The following TBC1D5 variants were observed in gnomAD, a reference collection of about 807,000 sequenced individuals.
The protein encoded by TBC1D5 is TBC1 domain family, member 5.
TBC1D5 carries 75 observed loss-of-function variants against 100.3 expected under a neutral mutation model. The observed-to-expected ratio is 0.75, with a 90% confidence interval of 0.62 to 0.91. The LOEUF (loss-of-function observed/expected upper bound fraction) is 0.91, where lower values mean the gene tolerates loss of function less well. Ranked by LOEUF, TBC1D5 falls within the 40% of genes least tolerant of loss-of-function variation. TBC1D5 has a pLI of 0.00. For synonymous variants in TBC1D5, 323 were observed against 325.6 expected (o/e 0.99, Z 0.09); for missense variants, 910 against 942.4 (o/e 0.97, Z 0.45).
intron 1 of TBC1D5, among the ~76,000 whole-genome samples, chr3:17,711,345 A>C (rs539437621): frequency 1.3e-5 from 2 of 152,206 alleles, no homozygotes; most frequent in Non-Finnish European, 2.9e-5. Context: ...TTAGTTACAG[A>C]TATGTTACAA....
intron 13 of TBC1D5, among the ~76,000 whole-genome samples, chr3:17,309,242 A>C (rs1242447485): frequency 6.6e-6 from 1 of 152,008 alleles, no homozygotes; most frequent in Non-Finnish European, 1.5e-5. Flanking sequence ...AGGAGAAATC[A>C]AAGATGTGAC....
At chr3:17,547,695 C>T (rs544892232) in intron 2 of TBC1D5, among the ~76,000 whole-genome samples, 10 of 152,234 alleles carry the variant, frequency 6.6e-5, no homozygotes, top group Middle Eastern at 3.4e-3. Flanking sequence ...GATGTGATGA[C>T]TACAGATTCT....
chr3:17,192,529 T>A (rs1406740636), intron 18 of TBC1D5, among the ~76,000 whole-genome samples: 1 of 152,206 alleles, frequency 6.6e-6, no homozygotes, highest in Non-Finnish European at 1.5e-5. Flanking sequence ...CTTAAAGATA[T>A]TTTAAAAATA....
chr3:17,227,722 A>G (rs1011403727), intron 17 of TBC1D5, among the ~76,000 whole-genome samples: 6 of 152,030 alleles, frequency 3.9e-5, no homozygotes, highest in African/African-American at 1.5e-4. Flanking sequence ...GAGGAGGGAG[A>G]GAATAAAAAA....
intron 2 of TBC1D5, among the ~76,000 whole-genome samples, chr3:17,560,802 TC>T (rs1410299994): frequency 6.6e-6 from 1 of 151,248 alleles, no homozygotes; most frequent in Non-Finnish European, 1.5e-5. Context: ...GCGTCTGTAA[TC>T]CCAGCTACTA....
intron 15 of TBC1D5, among the ~76,000 whole-genome samples, chr3:17,265,612 C>G (rs1230282789): frequency 6.6e-6 from 1 of 152,080 alleles, no homozygotes; most frequent in Non-Finnish European, 1.5e-5. Context: ...TCTCAGGACC[C>G]CAAAGGCAAA....
At chr3:17,251,437 CCAGT>C (rs1559490793) in intron 16 of TBC1D5, among the ~76,000 whole-genome samples, 3 of 119,396 alleles carry the variant, frequency 2.5e-5, no homozygotes, top group Non-Finnish European at 3.7e-5. Context: ...CCCCCCCCCC[CCAGT>C]AGAAGCGATT....
chr3:17,487,945 A>G (rs73153047), intron 3 of TBC1D5, among the ~76,000 whole-genome samples: 12,180 of 152,236 alleles, frequency 0.08, 1,007 homozygotes, highest in African/African-American at 0.22. Flanking sequence ...CCATTAGTAT[A>G]GTGCATCTGT....
intron 2 of TBC1D5, among the ~76,000 whole-genome samples, chr3:17,542,632 C>A (rs138138641): frequency 2.6e-3 from 402 of 152,282 alleles, no homozygotes; most frequent in African/African-American, 9.3e-3. Context: ...AAGTAGTTTC[C>A]ATCTATTCTT....
chr3:17,662,479 A>G (rs1408799836), intron 1 of TBC1D5, among the ~76,000 whole-genome samples: 1 of 152,216 alleles, frequency 6.6e-6, no homozygotes, highest in Non-Finnish European at 1.5e-5. Context: ...AAAATATTTT[A>G]CAGCAATTTG....
At chr3:17,363,994 C>T (rs753759166) in intron 13 of TBC1D5, among the ~76,000 whole-genome samples, 3 of 149,846 alleles carry the variant, frequency 2.0e-5, no homozygotes, top group African/African-American at 7.4e-5. Flanking sequence ...AGAGTTTAAT[C>T]GAGCAAAGAA....
At chr3:17,459,851 G>C (rs1276381713) in intron 3 of TBC1D5, among the ~76,000 whole-genome samples, 3 of 152,164 alleles carry the variant, frequency 2.0e-5, no homozygotes, top group Non-Finnish European at 4.4e-5. Context: ...GAAAAACATA[G>C]GGTTTTCCTT....
intron 7 of TBC1D5, among the ~76,000 whole-genome samples, chr3:17,404,227 C>T (rs887679864): frequency 1.3e-5 from 2 of 151,874 alleles, no homozygotes; most frequent in African/African-American, 4.8e-5. Flanking sequence ...AGTAGTAATC[C>T]TTGTCTTCAC....
intron 3 of TBC1D5, among the ~76,000 whole-genome samples, chr3:17,504,702 A>C (rs1253183215): frequency 1.3e-5 from 2 of 152,176 alleles, no homozygotes; most frequent in Non-Finnish European, 2.9e-5. Flanking sequence ...TTTCATCTCT[A>C]AGATGACTCC....
At chr3:17,285,004 A>G (rs940067724) in intron 15 of TBC1D5, among the ~76,000 whole-genome samples, 1 of 152,112 alleles carries the variant, frequency 6.6e-6, no homozygotes, top group Non-Finnish European at 1.5e-5. Flanking sequence ...CAGAATAAAC[A>G]CAAAAAAATA....
At chr3:17,377,338 T>TTAA (rs1236509091) in intron 9 of TBC1D5, among the ~76,000 whole-genome samples, 1 of 152,046 alleles carries the variant, frequency 6.6e-6, no homozygotes, top group African/African-American at 2.4e-5. Context: ...TAAGCTGTCC[T>TTAA]TAAAAGGGTA....
chr3:17,727,656 A>T (rs80022771), intron 1 of TBC1D5, among the ~76,000 whole-genome samples: 3,088 of 152,330 alleles, frequency 0.02, 44 homozygotes, highest in Non-Finnish European at 0.033. Context: ...TTTAACACAT[A>T]AATAACCAAG....
At chr3:17,568,460 T>C (rs965846016) in intron 2 of TBC1D5, among the ~76,000 whole-genome samples, 2 of 151,452 alleles carry the variant, frequency 1.3e-5, no homozygotes, top group African/African-American at 4.8e-5. Flanking sequence ...TAAATTTTAC[T>C]AATAAAAGAA....
intron 2 of TBC1D5, among the ~76,000 whole-genome samples, chr3:17,568,806 A>C (rs908867955): frequency 6.6e-6 from 1 of 151,636 alleles, no homozygotes; most frequent in African/African-American, 2.4e-5. Context: ...TTTCGATCTT[A>C]AAATTGCCCA....
Sources: allele counts gnomAD v4.1 joint callset (sites outside exome capture counted in the v4.1 genomes callset), GRCh38; gene constraint gnomAD v4.1.1; transcripts MANE v1.5; gene names NCBI Gene and HGNC (gene_info 2026-07-23, HGNC 2026-07-21).